PSMD13: variants seen among roughly 807,000 people sequenced by gnomAD.
PSMD13 encodes 26S proteasome non-ATPase regulatory subunit 13.
A neutral mutation model predicts 57.4 loss-of-function variants in PSMD13; 8 were observed. That is an observed-to-expected ratio of 0.14 (90% CI 0.08 to 0.25). The LOEUF is 0.25. Among genes scored for constraint, PSMD13 ranks in the 10% least tolerant of loss-of-function variants. The pLI is 1.00. For missense variants in PSMD13, 400 were observed against 461.5 expected (o/e 0.87, Z 1.22); for synonymous variants, 193 against 168.2 (o/e 1.15, Z -1.14).
At chr11:241,055 C>T (rs1055695398) in intron 2 of PSMD13, among the ~76,000 whole-genome samples, 5 of 152,118 alleles carry the variant, frequency 3.3e-5, no homozygotes, top group African/African-American at 1.2e-4. Context: ...TGGTCTCAAA[C>T]TCCTAACCTC....
chr11:244,369 C>T lies in PSMD13; in HGVS notation c.266-57C>T, dbSNP rs539454663. On this transcript the variant is annotated intron_variant, in intron 4 of 12. Transcript: ENST00000532097. ...TAAAGATTACCCTACCTAAGGGTGT[C>T]TTGGTTAGCAGAAACCAGTCTGTTG... 36 of 1,588,112 alleles carry T rather than the reference C, an allele frequency of 2.3e-5. No individual in the cohort carries two copies. The South Asian group carries it at 3.1e-4, about 14-fold the overall frequency.
chr11:246,073 T>C (rs1323960313), intron 6 of PSMD13, among the ~76,000 whole-genome samples: 3 of 152,074 alleles, frequency 2.0e-5, no homozygotes, highest in African/African-American at 4.8e-5. Context: ...TAAATAGGGG[T>C]GTGTAACTCA....
chr11:243,470 G>T, intron 2 of PSMD13: 1 of 300,886 alleles, frequency 3.3e-6, no homozygotes, highest in South Asian at 3.0e-5. Flanking sequence ...GAGTAGGACA[G>T]ATACAAATAA....
chr11:245,302 A>G (rs1322197100), intron 6 of PSMD13, among the ~76,000 whole-genome samples: 1 of 152,028 alleles, frequency 6.6e-6, no homozygotes, highest in Non-Finnish European at 1.5e-5. Flanking sequence ...CTTTTTTCCA[A>G]AACCACTTAG....
chr11:242,641 G>T (rs73394734), intron 2 of PSMD13, among the ~76,000 whole-genome samples: 1,922 of 152,100 alleles, frequency 0.013, 46 homozygotes, highest in African/African-American at 0.044. Context: ...TGTCAACTCC[G>T]ATGATAAAGA....
chr11:247,210 C>T (rs1303860875), intron 6 of PSMD13, 67 bp from the exon 7 acceptor site: 2 of 1,482,430 alleles, frequency 1.3e-6, no homozygotes, highest in Non-Finnish European at 9.0e-7. Flanking sequence ...GAGTGAGACC[C>T]TGTCTCTAAA....
chr11:244,884 G>A, intron 6 of PSMD13, 123 bp downstream of exon 6: 1 of 746,950 alleles, frequency 1.3e-6, no homozygotes, highest in Non-Finnish European at 2.0e-6. Context: ...CAGAAAAGTT[G>A]CAAAAATAAC....
chr11:241,609 C>T (rs983673349), intron 2 of PSMD13, among the ~76,000 whole-genome samples: 8 of 152,152 alleles, frequency 5.3e-5, no homozygotes, highest in Non-Finnish European at 8.8e-5. Flanking sequence ...CCACACTAGG[C>T]GCTCTTGGCC....
At chr11:248,554 G>GA (rs1859702647) in intron 7 of PSMD13, 1 of 560,446 alleles carries the variant, frequency 1.8e-6, no homozygotes, top group Non-Finnish European at 3.2e-6. Flanking sequence ...ATATATTTAG[G>GA]AAAAAATAAA....
In PSMD13 at chr11:251,563, T is replaced by C. The variant is rs1859765088; in HGVS notation, c.855T>C (p.Pro285=). The change falls in exon 11 of 13, where the codon CCT becomes CCC. Residue 285 remains proline (P), a synonymous_variant. Coordinates refer to ENST00000532097, the MANE Select transcript of PSMD13 (RefSeq NM_002817.4). The surrounding 1 kb of genome is among the most constrained non-coding windows in gnomAD (Gnocchi z 4.6). ...TTTTCCAGATGACTTTCACACGACC[T>C]GCCAATCACAGACAACTCACTTTTG... ...LCLMEMTFTR[P]ANHRQLTFEE... 6.2e-7 allele frequency: 1 copy of C among 1,613,776 alleles called. No homozygotes were observed. The highest frequency in any genetic ancestry group is 8.5e-7 in the Non-Finnish European group (1 of 1,179,786).
At chr11:243,562 C>T in intron 2 of PSMD13, 1 of 355,772 alleles carries the variant, frequency 2.8e-6, no homozygotes, top group Non-Finnish European at 5.5e-6. Context: ...CCACAGTGGT[C>T]TTCTTATTAT....
chr11:244,545 A>G, intron 5 of PSMD13, 76 bp downstream of exon 5: 1 of 1,526,890 alleles, frequency 6.5e-7, no homozygotes, highest in Non-Finnish European at 9.1e-7. Context: ...GTTCATGCTC[A>G]CTGTCCAGAC....
chr11:252,360 C>G lies in PSMD13; in HGVS notation c.1036-145C>G. 2.8e-6 allele frequency: 2 copies of G among 712,828 alleles called. No individual in the cohort carries two copies. Among genetic ancestry groups the G allele is most frequent in the Non-Finnish European group, 4.9e-6 (2 of 408,454 alleles). 44.2% of individuals were successfully genotyped at this position (712,828 alleles called of 1,614,324 possible). ...TTAACCCGGCAAGTCCCGTCCCACT[C>G]CCCCAGCTCAGAGGTCCTTTTTACT... On this transcript the variant is annotated intron_variant, in intron 12 of 12. Coordinates refer to ENST00000532097, the MANE Select transcript of PSMD13 (RefSeq NM_002817.4). This position sits in a 1 kb window ranked among gnomAD's most constrained non-coding sequence, Gnocchi z 4.1.
At chr11:237,515 T>C (rs961852547) in intron 1 of PSMD13, among the ~76,000 whole-genome samples, 1 of 152,166 alleles carries the variant, frequency 6.6e-6, no homozygotes, top group Non-Finnish European at 1.5e-5. Flanking sequence ...GCAAACACAC[T>C]TTCAGGGCCA....
At position 248,798 on chromosome 11, in the gene PSMD13, C is replaced by T. The variant is rs1325422028; in HGVS notation, c.591C>T (p.Ala197=). ...TAGTGTCTGAGCAGCAGGAGAGAGC[C>T]TTCACGCTGGGGCTAGCAGGACTTC... ...DLPVSEQQER[A]FTLGLAGLLG... is the part of the protein sequence containing the mutation. Residue 197 remains alanine (A), a synonymous_variant, in exon 8 of 13, where the codon GCC becomes GCT. Coordinates refer to ENST00000532097, the MANE Select transcript of PSMD13 (RefSeq NM_002817.4). 4 of 1,614,156 alleles carry T rather than the reference C, an allele frequency of 2.5e-6. No individual in the cohort carries two copies. Among genetic ancestry groups the T allele is most frequent in the Non-Finnish European group, 3.4e-6 (4 of 1,180,024 alleles).
chr11:251,483 CT>C lies in PSMD13; in HGVS notation c.838-61del, dbSNP rs1358531069. On this transcript the variant is annotated intron_variant, in intron 10 of 12. Transcript: ENST00000532097. This position sits in a 1 kb window ranked among gnomAD's most constrained non-coding sequence, Gnocchi z 4.6. ...TCAGAGCCAATATTGACAAAACATC[CT>C]TATCAGTTCTCTATTTTTATTTGGA... 1.4e-6 allele frequency: 2 copies of C among 1,384,050 alleles called. No homozygotes were observed. The highest frequency in any genetic ancestry group is 2.9e-5 in the African/African-American group (2 of 68,576). 85.7% of individuals were successfully genotyped at this position (1,384,050 alleles called of 1,614,324 possible).
At chr11:245,679 T>TGTGG (rs1859626448) in intron 6 of PSMD13, among the ~76,000 whole-genome samples, 1 of 118,276 alleles carries the variant, frequency 8.5e-6, no homozygotes, top group Admixed American at 8.6e-5. Flanking sequence ...TGTGTGTGTG[T>TGTGG]GTTTGCATGT....
At position 252,474 on chromosome 11, in the gene PSMD13, AAC is replaced by A; in HGVS notation, c.1036-30_1036-29del. 6.2e-7 allele frequency: 1 copy of A among 1,608,718 alleles called. No individual in the cohort carries two copies. Among genetic ancestry groups the A allele is most frequent in the Non-Finnish European group, 8.5e-7 (1 of 1,175,310 alleles). ...TCGGCCTGTGTCTCCTGCGTGTCTT[AAC>A]GTCCCTTGTGTCCGGATTTCCATTT... On this transcript the variant is annotated intron_variant, in intron 12 of 12. Transcript: ENST00000532097. This position sits in a 1 kb window ranked among gnomAD's most constrained non-coding sequence, Gnocchi z 4.1.
chr11:238,528 GGGCGCAGT>G (rs1859438888), intron 1 of PSMD13, among the ~76,000 whole-genome samples: 1 of 152,150 alleles, frequency 6.6e-6, no homozygotes, highest in Non-Finnish European at 1.5e-5. Context: ...TGGGGCGGCC[GGGCGCAGT>G]GGCTCATGCC....
Sources: allele counts gnomAD v4.1 joint callset (sites outside exome capture counted in the v4.1 genomes callset), GRCh38; gene constraint gnomAD v4.1.1; non-coding constraint Gnocchi (gnomAD v3.1); transcripts MANE v1.5; gene names NCBI Gene and HGNC (gene_info 2026-07-23, HGNC 2026-07-21).